The following CCDC181 variants were observed in gnomAD, a reference collection of about 807,000 sequenced individuals.
The protein encoded by CCDC181 is coiled-coil domain containing 181.
In CCDC181, 35 loss-of-function variants were observed where a neutral mutation model predicts 58.7. That is an observed-to-expected ratio of 0.60 (90% confidence interval 0.46 to 0.79). The LOEUF is 0.79. Among genes scored for constraint, CCDC181 ranks in the 30% least tolerant of loss-of-function variants. CCDC181 has a pLI of 0.00. For missense variants in CCDC181, 517 were observed against 583.9 expected (o/e 0.89, Z 1.18); for synonymous variants, 183 against 197.5 (o/e 0.93, Z 0.62).
intron 2 of CCDC181, among the ~76,000 whole-genome samples, chr1:169,442,323 T>C (rs1181415670): frequency 6.6e-6 from 1 of 152,038 alleles, no homozygotes; most frequent in East Asian, 1.9e-4. Context: ...TAGGAGTCAA[T>C]TACTTCAACC....
At chr1:169,431,323 T>C (rs1274466187), upstream of CCDC181, among the ~76,000 whole-genome samples, 1 of 152,220 alleles carries the variant, frequency 6.6e-6, no homozygotes, top group African/African-American at 2.4e-5. Flanking sequence ...CCTTTATTTC[T>C]TTCTCTTGCC....
chr1:169,440,035 G>C (rs1657170167), intron 2 of CCDC181, among the ~76,000 whole-genome samples: 2 of 152,094 alleles, frequency 1.3e-5, no homozygotes, highest in Admixed American at 6.6e-5. Context: ...GAGTGGTCTT[G>C]GAAAAGGCAA....
chr1:169,453,999 A>G (rs150425450), intron 2 of CCDC181, among the ~76,000 whole-genome samples: 1 of 152,126 alleles, frequency 6.6e-6, no homozygotes, highest in East Asian at 1.9e-4. Context: ...GTCTTAATCA[A>G]CTTGTTGCTT....
chr1:169,420,937 T>C (rs774499027), intron 3 of CCDC181, among the ~76,000 whole-genome samples: 7 of 152,214 alleles, frequency 4.6e-5, no homozygotes, highest in Non-Finnish European at 1.0e-4. Context: ...GAACATAACA[T>C]GAAACACATG....
intron 2 of CCDC181, among the ~76,000 whole-genome samples, chr1:169,439,010 A>C (rs564821410): frequency 1.3e-5 from 2 of 152,088 alleles, no homozygotes; most frequent in Non-Finnish European, 1.5e-5. Flanking sequence ...AAGTCTCCTT[A>C]ACCAAGACTC....
intron 2 of CCDC181, among the ~76,000 whole-genome samples, chr1:169,444,473 C>T (rs928761317): frequency 6.6e-6 from 1 of 152,090 alleles, no homozygotes; most frequent in Non-Finnish European, 1.5e-5. Context: ...AGTCCAGACA[C>T]GTTCCTAATG....
chr1:169,432,210 T>G (rs1207223171), upstream of CCDC181, among the ~76,000 whole-genome samples: 1 of 152,084 alleles, frequency 6.6e-6, no homozygotes, highest in African/African-American at 2.4e-5. Context: ...AATGAAAATC[T>G]TACTGTTGGG....
intron 2 of CCDC181, among the ~76,000 whole-genome samples, chr1:169,422,999 TCTAA>T (rs984748680): frequency 6.0e-5 from 9 of 149,494 alleles, no homozygotes; most frequent in Non-Finnish European, 1.3e-4. Context: ...TTCTGCTGTA[TCTAA>T]CTAAAAGCTT....
At position 169,418,828 on chromosome 1, in the gene CCDC181, A is replaced by G. The variant is rs1165096905; in HGVS notation, c.1215+185T>C. ...GTCTGAACAAAATAGGAATCATTTTATTTTCACAAGACCTCTTAGAACCTA... is the reference window on the plus strand; with the variant it reads ...GTCTGAACAAAATAGGAATCATTTTGTTTTCACAAGACCTCTTAGAACCTA... On this transcript the variant is annotated intron_variant, in intron 4 of 5. Transcript: ENST00000367806. 5 of 521,568 alleles carry G rather than the reference A, an allele frequency of 9.6e-6. No individual in the cohort carries two copies. The Admixed American group carries it at 1.5e-4, about 15-fold the overall frequency. The allele number at this position is 521,568 out of a possible 1,614,324, so 32.3% of individuals were successfully genotyped here. A position where few individuals can be genotyped will look rare whatever the true frequency, so the allele number is the denominator to read the frequency against.
At chr1:169,412,668 A>C (rs1353136858) in intron 4 of CCDC181, among the ~76,000 whole-genome samples, 1 of 152,220 alleles carries the variant, frequency 6.6e-6, no homozygotes, top group Non-Finnish European at 1.5e-5. Flanking sequence ...ACTGGTACCA[A>C]AACAGATATA....
intron 4 of CCDC181, among the ~76,000 whole-genome samples, chr1:169,398,931 A>T (rs530136330): frequency 9.8e-5 from 15 of 152,370 alleles, no homozygotes; most frequent in African/African-American, 3.4e-4. Context: ...TATCTGGAGA[A>T]AAACAGTGGT....
At chr1:169,459,916 A>AAAAAC (rs1557885106) in intron 1 of CCDC181, 3 of 150,410 alleles carry the variant, frequency 2.0e-5, no homozygotes, top group Non-Finnish European at 1.5e-5. Context: ...AAAAAAAAAA[A>AAAAAC]AAAAAAAAAA....
upstream of CCDC181, among the ~76,000 whole-genome samples, chr1:169,428,887 T>A (rs1029502326): frequency 6.6e-6 from 1 of 152,210 alleles, no homozygotes; most frequent in African/African-American, 2.4e-5. Context: ...ACAACTGAGC[T>A]CAGGCAGTCT....
rs1656501848 is a variant in CCDC181, at chr1:169,422,101, T to G, written c.330A>C (p.Glu110Asp). 1.9e-6 allele frequency: 3 copies of G among 1,613,446 alleles called. No individual in the cohort carries two copies. The highest frequency in any genetic ancestry group is 1.7e-4 in the Middle Eastern group (1 of 6,058). ...SENSFQESKL[E>D]SQKDLEEEED... ...CTTCCTCCTCCAAGTCTTTCTGGCT[T>G]TCTAGTTTGGATTCCTGGAAAGAGT... Residue 110 changes from glutamate to aspartate, a missense_variant, in exon 3 of 6, where the codon GAA becomes GAC. Transcript: ENST00000367806.
At chr1:169,441,890 G>A (rs1657238717) in intron 2 of CCDC181, among the ~76,000 whole-genome samples, 1 of 151,980 alleles carries the variant, frequency 6.6e-6, no homozygotes, top group South Asian at 2.1e-4. Flanking sequence ...CTAGTTACGT[G>A]TATAAATTTT....
upstream of CCDC181, among the ~76,000 whole-genome samples, chr1:169,427,959 G>A (rs1355804068): frequency 6.6e-6 from 1 of 152,138 alleles, no homozygotes; most frequent in African/African-American, 2.4e-5. Flanking sequence ...TAAAGGCAAA[G>A]CAAGATGAAT....
At chr1:169,438,672 G>A (rs1267216552) in intron 2 of CCDC181, among the ~76,000 whole-genome samples, 1 of 152,136 alleles carries the variant, frequency 6.6e-6, no homozygotes, top group Non-Finnish European at 1.5e-5. Context: ...CACTCCAGAT[G>A]GGAAGGGATC....
chr1:169,403,803 C>CT (rs1221897015), intron 4 of CCDC181, among the ~76,000 whole-genome samples: 4 of 152,200 alleles, frequency 2.6e-5, no homozygotes, highest in African/African-American at 9.6e-5. Flanking sequence ...CAAGAAATAA[C>CT]TAAGATCAGA....
Position 169,422,234 on chromosome 1 carries a change from G to C in CCDC181, c.197C>G (p.Ser66Cys). Residue 66 changes from serine to cysteine, a missense_variant, in exon 3 of 6, where the codon TCT becomes TGT. Physicochemically the swap from Ser to Cys is moderately radical, Grantham distance 112. Transcript: ENST00000367806. ...ATCCTGCAAAGATTTGTCAGGATCA[G>C]AATGCCGTTTGGTGTGCTCCATTAC... is the stretch of plus-strand genomic sequence containing the variant. Reference protein sequence around the residue: ...ETVMEHTKRHSDPDKSLQDEV... With the variant: ...ETVMEHTKRHCDPDKSLQDEV... 1 of 1,613,242 alleles carries C rather than the reference G, an allele frequency of 6.2e-7. No individual in the cohort carries two copies.
Sources: gnomAD v4.1 joint callset for allele counts (sites outside exome capture counted in the v4.1 genomes callset) on GRCh38, gnomAD v4.1.1 for gene constraint, MANE v1.5 for transcripts, NCBI Gene and HGNC (gene_info 2026-07-23, HGNC 2026-07-21) for gene names.